SLC24A2: variants seen among roughly 807,000 people sequenced by gnomAD.
The protein encoded by SLC24A2 is solute carrier family 24 member 2.
Under a neutral mutation model 62.0 loss-of-function variants are expected in SLC24A2, and 36 were observed. That is an observed-to-expected ratio of 0.58 (90% CI 0.44 to 0.77). The LOEUF (loss-of-function observed/expected upper bound fraction) is 0.77, where lower values mean the gene tolerates loss of function less well. SLC24A2 is among the 30% of genes least tolerant of loss of function. The probability of loss-of-function intolerance (pLI) is 0.00; values close to 1 mark genes in which losing one functional copy is unlikely to be tolerated. For missense variants in SLC24A2, 846 were observed against 817.9 expected (o/e 1.03, Z -0.42); for synonymous variants, 358 against 294.0 (o/e 1.22, Z -2.23).
At chr9:20,109,544 G>A in the SLC24A2 span, among the ~76,000 whole-genome samples, 1 of 152,168 alleles carries the variant, frequency 6.6e-6, no homozygotes, top group East Asian at 1.9e-4. Flanking sequence ...CCTGGGTACT[G>A]AGTTCCTAAT....
intron 2 of SLC24A2, among the ~76,000 whole-genome samples, chr9:19,760,176 A>G (rs930710717): frequency 2.6e-4 from 39 of 151,990 alleles, no homozygotes; most frequent in African/African-American, 8.9e-4. Flanking sequence ...TAGCTGGGCA[A>G]TCACTCGGCT....
the SLC24A2 span, among the ~76,000 whole-genome samples, chr9:19,860,098 C>T: frequency 6.6e-6 from 1 of 152,176 alleles, no homozygotes; most frequent in African/African-American, 2.4e-5. Flanking sequence ...ATGTGACCTA[C>T]TGAGACACCA....
At chr9:19,841,447 C>A in the SLC24A2 span, among the ~76,000 whole-genome samples, 1 of 152,088 alleles carries the variant, frequency 6.6e-6, no homozygotes, top group South Asian at 2.1e-4. Flanking sequence ...CAGACACATA[C>A]CTGGTCTTTT....
the SLC24A2 span, among the ~76,000 whole-genome samples, chr9:20,162,020 T>C: frequency 6.6e-6 from 1 of 151,690 alleles, no homozygotes; most frequent in East Asian, 1.9e-4. Context: ...ACAGTATAAA[T>C]GGTAAACTCT....
intron 2 of SLC24A2, among the ~76,000 whole-genome samples, chr9:19,715,403 T>C (rs1287097293): frequency 6.6e-6 from 1 of 152,136 alleles, no homozygotes; most frequent in Non-Finnish European, 1.5e-5. Flanking sequence ...TATCCTCAAG[T>C]AGGACTCAGG....
chr9:19,594,300 T>G (rs749332606), intron 5 of SLC24A2, among the ~76,000 whole-genome samples: 2 of 152,136 alleles, frequency 1.3e-5, no homozygotes. Flanking sequence ...TTTACTCTTA[T>G]TTCCCCAAAG....
the SLC24A2 span, among the ~76,000 whole-genome samples, chr9:20,147,205 G>T: frequency 1.3e-5 from 2 of 152,210 alleles, no homozygotes; most frequent in African/African-American, 4.8e-5. Context: ...ATTCAGTATT[G>T]CCTGGAGAAA....
At chr9:20,072,535 T>C in the SLC24A2 span, among the ~76,000 whole-genome samples, 1 of 152,158 alleles carries the variant, frequency 6.6e-6, no homozygotes, top group Non-Finnish European at 1.5e-5. Flanking sequence ...TAATATATTG[T>C]GATCTGTATA....
the SLC24A2 span, among the ~76,000 whole-genome samples, chr9:19,960,493 A>C: frequency 6.6e-6 from 1 of 152,204 alleles, no homozygotes; most frequent in African/African-American, 2.4e-5. Flanking sequence ...CCCTTGTGAG[A>C]CTGGAACCTT....
chr9:19,676,950 G>A (rs1324378826), intron 2 of SLC24A2, among the ~76,000 whole-genome samples: 2 of 152,124 alleles, frequency 1.3e-5, no homozygotes, highest in Admixed American at 6.5e-5. Flanking sequence ...GTGAGGTTAT[G>A]GGGAAAAATG....
the SLC24A2 span, among the ~76,000 whole-genome samples, chr9:20,153,605 T>A: frequency 6.6e-6 from 1 of 151,906 alleles, no homozygotes; most frequent in South Asian, 2.1e-4. Flanking sequence ...ATCAAAATTG[T>A]AATTATTGTT....
At chr9:19,813,244 C>T in the SLC24A2 span, among the ~76,000 whole-genome samples, 3 of 151,482 alleles carry the variant, frequency 2.0e-5, no homozygotes, top group Admixed American at 2.0e-4. Context: ...TGCCCTGGCT[C>T]AGAATGGGCA....
At chr9:19,680,661 G>T (rs2118388643) in intron 2 of SLC24A2, among the ~76,000 whole-genome samples, 1 of 150,942 alleles carries the variant, frequency 6.6e-6, no homozygotes, top group South Asian at 2.1e-4. Context: ...TCATTTTGGG[G>T]TCCCTTACCT....
intron 8 of SLC24A2, among the ~76,000 whole-genome samples, chr9:19,541,580 C>T (rs1315564383): frequency 2.8e-5 from 4 of 144,182 alleles, no homozygotes; most frequent in African/African-American, 8.2e-5. Context: ...TCTCCAGCTG[C>T]GTGCTGGGAG....
chr9:20,261,981 G>A, the SLC24A2 span, among the ~76,000 whole-genome samples: 23 of 152,004 alleles, frequency 1.5e-4, no homozygotes, highest in South Asian at 1.7e-3. Flanking sequence ...CTCGTGATCC[G>A]CCTGCCTCGG....
the SLC24A2 span, among the ~76,000 whole-genome samples, chr9:20,230,769 T>G: frequency 6.6e-6 from 1 of 152,222 alleles, no homozygotes; most frequent in Non-Finnish European, 1.5e-5. Context: ...TGGCTTTTGT[T>G]GCCATTGCTT....
rs1833168292 is a variant in SLC24A2, at chr9:19,520,883, C to T, written c.1736+11G>A. ...GCTGGTGCACACCTTTGTAGAACTA[C>T]CTCTACTCACCCTACAGTGATGTCA... On this transcript the variant is annotated intron_variant, in intron 10 of 10. Transcript: ENST00000341998. 6.2e-7 allele frequency: 1 copy of T among 1,613,220 alleles called. No homozygotes were observed. Among genetic ancestry groups the T allele is most frequent in the Non-Finnish European group, 8.5e-7 (1 of 1,179,340 alleles).
At chr9:19,978,709 C>T in the SLC24A2 span, among the ~76,000 whole-genome samples, 1 of 151,776 alleles carries the variant, frequency 6.6e-6, no homozygotes, top group Non-Finnish European at 1.5e-5. Flanking sequence ...AGGGGTAAGG[C>T]AGTGAAGAAA....
chr9:19,518,960 TAAAGG>T (rs1329472688), intron 10 of SLC24A2, among the ~76,000 whole-genome samples: 1 of 152,188 alleles, frequency 6.6e-6, no homozygotes, highest in Non-Finnish European at 1.5e-5. Context: ...TAATACTGCT[TAAAGG>T]AATTTATCCT....
Sources: gnomAD v4.1 joint callset for allele counts (sites outside exome capture counted in the v4.1 genomes callset) on GRCh38, gnomAD v4.1.1 for gene constraint, MANE v1.5 for transcripts, NCBI Gene and HGNC (gene_info 2026-07-23, HGNC 2026-07-21) for gene names.